ITGA9: variants seen among roughly 807,000 people sequenced by gnomAD.
The protein encoded by ITGA9 is integrin subunit alpha 9.
In ITGA9, 56 loss-of-function variants were observed where a neutral mutation model predicts 127.8. The ratio of observed to expected loss-of-function variants is 0.44; its 90% confidence interval spans 0.35 to 0.55. The LOEUF is 0.55. ITGA9 is among the 20% of genes least tolerant of loss of function. ITGA9 has a pLI of 0.00. For missense variants in ITGA9, 1,196 were observed against 1,347.1 expected, an observed-to-expected ratio of 0.89 and a Z score of 1.76; for synonymous variants, 508 against 514.5, an observed-to-expected ratio of 0.99 and a Z score of 0.17.
At chr3:37,589,989 T>A (rs1178135726) in intron 15 of ITGA9, among the ~76,000 whole-genome samples, 1 of 152,144 alleles carries the variant, frequency 6.6e-6, no homozygotes, top group Non-Finnish European at 1.5e-5. Context: ...CCCATCCATG[T>A]TGCACACCCC....
chr3:37,563,821 C>G (rs929526309), intron 15 of ITGA9, among the ~76,000 whole-genome samples: 5 of 152,114 alleles, frequency 3.3e-5, no homozygotes, highest in Non-Finnish European at 5.9e-5. Context: ...TATTTCAGTC[C>G]CTGGTGTTTT....
intron 22 of ITGA9, among the ~76,000 whole-genome samples, chr3:37,744,301 G>C (rs1214921687): frequency 6.6e-6 from 1 of 152,170 alleles, no homozygotes; most frequent in South Asian, 2.1e-4. Flanking sequence ...CCTCTGTGTG[G>C]TGGAGGCCTC....
intron 15 of ITGA9, among the ~76,000 whole-genome samples, chr3:37,563,594 T>A (rs1699516912): frequency 6.6e-6 from 1 of 152,222 alleles, no homozygotes; most frequent in South Asian, 2.1e-4. Flanking sequence ...TTTTCTCCTG[T>A]CACTACCATG....
rs1696441973 is a variant in ITGA9 at position 37,741,892 on chromosome 3, C to T, written c.2324+73C>T. The T allele has an allele frequency of 1.2e-5, 15 of 1,201,814 alleles. No individual in the cohort carries two copies. The South Asian group carries it at 1.4e-4, about 11-fold the overall frequency. 74.4% of individuals were successfully genotyped at this position (1,201,814 alleles called of 1,614,324 possible). A position where few individuals can be genotyped will look rare whatever the true frequency, so the allele number is the denominator to read the frequency against. On this transcript the variant is annotated intron_variant, in intron 21 of 27. Coordinates refer to ENST00000264741, the MANE Select transcript of ITGA9 (RefSeq NM_002207.3). ...TGGAACACTGTGCTTCTCATATTTGCATGTGTAGCCAGCCAGGAGCCAAGG... is the reference window on the plus strand; with the variant it reads ...TGGAACACTGTGCTTCTCATATTTGTATGTGTAGCCAGCCAGGAGCCAAGG...
chr3:37,593,175 T>A (rs1052801081), intron 15 of ITGA9, among the ~76,000 whole-genome samples: 8 of 152,228 alleles, frequency 5.3e-5, no homozygotes, highest in African/African-American at 1.9e-4. Flanking sequence ...TGATATAAGG[T>A]GGCATCGTAT....
intron 15 of ITGA9, among the ~76,000 whole-genome samples, chr3:37,592,661 G>C (rs1305731392): frequency 6.6e-6 from 1 of 152,210 alleles, no homozygotes; most frequent in Non-Finnish European, 1.5e-5. Flanking sequence ...GGTCAAGTCA[G>C]CAGGGTGGAT....
At chr3:37,815,377 G>A (rs1288218314) in intron 27 of ITGA9, among the ~76,000 whole-genome samples, 1 of 152,226 alleles carries the variant, frequency 6.6e-6, no homozygotes, top group East Asian at 1.9e-4. Context: ...GGGAAGCCAA[G>A]GCAGGCGGAT....
At chr3:37,606,009 G>A (rs1315530263) in intron 15 of ITGA9, among the ~76,000 whole-genome samples, 1 of 152,206 alleles carries the variant, frequency 6.6e-6, no homozygotes, top group African/African-American at 2.4e-5. Flanking sequence ...AAACTGCCCT[G>A]CAGGCAGAAG....
Position 37,629,203 on chromosome 3 carries a change from T to C in ITGA9, c.1706T>C (p.Val569Ala). Residue 569 changes from valine to alanine, a missense_variant, in exon 16 of 28, where the codon GTC becomes GCC. Val to Ala is a moderately conservative substitution (Grantham distance 64). Transcript: ENST00000264741. This position sits in a 1 kb window ranked among gnomAD's most constrained non-coding sequence, Gnocchi z 4.5. ...TTGTTTCAGCGGAGGGTGCAGGACG[T>C]CATCAGCCCGATCGTGTTTGAAGCA... The part of the protein sequence containing the change: ...VAHVKRRVQD[V>A]ISPIVFEAAY... 6.2e-7 allele frequency: 1 copy of C among 1,612,922 alleles called. No individual in the cohort carries two copies.
chr3:37,556,037 C>T (rs781190961), intron 15 of ITGA9, among the ~76,000 whole-genome samples: 1 of 152,248 alleles, frequency 6.6e-6, no homozygotes, highest in Admixed American at 6.5e-5. Flanking sequence ...GCCCTCCTTC[C>T]TGATGCTCTT....
At chr3:37,505,426 A>C (rs532567136) in intron 6 of ITGA9, among the ~76,000 whole-genome samples, 1 of 152,242 alleles carries the variant, frequency 6.6e-6, no homozygotes, top group Non-Finnish European at 1.5e-5. Flanking sequence ...ATATTACTCA[A>C]TAATAAAAAG....
chr3:37,594,811 G>A (rs898238531), intron 15 of ITGA9, among the ~76,000 whole-genome samples: 25 of 152,092 alleles, frequency 1.6e-4, no homozygotes, highest in Non-Finnish European at 3.4e-4. Context: ...ACGGGGTCTC[G>A]CTATGTTGCC....
At chr3:37,573,480 A>G (rs1323001733) in intron 15 of ITGA9, among the ~76,000 whole-genome samples, 8 of 152,218 alleles carry the variant, frequency 5.3e-5, no homozygotes, top group Admixed American at 1.3e-4. Context: ...GGGTGATTCA[A>G]CCACAGGAGC....
In ITGA9 at chr3:37,552,165, G is replaced by A. The variant is rs145558001; in HGVS notation, c.1689+9580G>A. Among the ~76,000 whole-genome samples the A allele has an allele frequency of 9.9e-5, 15 of 152,124 alleles. No individual in the cohort carries two copies. In the East Asian group the frequency reaches 2.5e-3, roughly 25 times the overall value. ...TGGGTAAAGGTGGCAGTGACGCGTC[G>A]GTGCAGAGAATTCCTGTTTTGAGGA... On this transcript the variant is annotated intron_variant, in intron 15 of 27. Transcript: ENST00000264741.
At chr3:37,606,376 C>T (rs954349406) in intron 15 of ITGA9, among the ~76,000 whole-genome samples, 3 of 152,060 alleles carry the variant, frequency 2.0e-5, no homozygotes, top group African/African-American at 4.8e-5. Flanking sequence ...GCAGCCACTG[C>T]GCGGCTGCTG....
chr3:37,521,628 T>C (rs150990554), intron 11 of ITGA9, among the ~76,000 whole-genome samples: 8 of 152,172 alleles, frequency 5.3e-5, no homozygotes, highest in Non-Finnish European at 4.4e-5. Flanking sequence ...CCTGCAGATG[T>C]CTGTGGGATA....
chr3:37,512,368 T>C (rs899788542), intron 8 of ITGA9, among the ~76,000 whole-genome samples: 1 of 151,164 alleles, frequency 6.6e-6, no homozygotes, highest in Non-Finnish European at 1.5e-5. Flanking sequence ...TACAGGTGCC[T>C]GCCACCACGC....
chr3:37,646,306 A>G (rs1016497987), intron 16 of ITGA9, among the ~76,000 whole-genome samples: 3 of 152,234 alleles, frequency 2.0e-5, no homozygotes, highest in Admixed American at 6.5e-5. Flanking sequence ...CCCAAAACAT[A>G]TACTGTCTCA....
At chr3:37,520,077 T>C (rs948733396) in intron 11 of ITGA9, among the ~76,000 whole-genome samples, 1 of 152,208 alleles carries the variant, frequency 6.6e-6, no homozygotes, top group South Asian at 2.1e-4. Context: ...ACTTACTACA[T>C]GCTGACTACT....
Sources: gnomAD v4.1 joint callset for allele counts (sites outside exome capture counted in the v4.1 genomes callset) on GRCh38, gnomAD v4.1.1 for gene constraint, Gnocchi (gnomAD v3.1) non-coding constraint, MANE v1.5 for transcripts, NCBI Gene and HGNC (gene_info 2026-07-23, HGNC 2026-07-21) for gene names.